PPP1R1C: variants seen among roughly 807,000 people sequenced by gnomAD.
The protein encoded by PPP1R1C is protein phosphatase 1 regulatory inhibitor subunit 1C.
PPP1R1C carries 15 observed loss-of-function variants against 17.4 expected under a neutral mutation model. The observed-to-expected ratio is 0.86, with a 90% CI of 0.58 to 1.33. The LOEUF is 1.33. PPP1R1C is among the 40% of genes most tolerant of loss of function. PPP1R1C has a pLI of 0.00. For missense variants in PPP1R1C, 143 were observed against 130.0 expected, an observed-to-expected ratio of 1.10 and a Z score of -0.48; for synonymous variants, 35 against 43.1, an observed-to-expected ratio of 0.81 and a Z score of 0.73.
Position 182,053,176 on chromosome 2 carries a change from G to A in PPP1R1C, c.143-8266G>A, listed in dbSNP as rs889314604. Among the ~76,000 whole-genome samples, 13 of 152,286 alleles carry A rather than the reference G, an allele frequency of 8.5e-5. No individual in the cohort carries two copies. The East Asian group carries it at 2.3e-3, about 27-fold the overall frequency. On this transcript the variant is annotated intron_variant, in intron 2 of 4. Coordinates refer to ENST00000682840, the MANE Select transcript of PPP1R1C (RefSeq NM_001080545.3). ...CTGCTCTTAGAGTAGGACAAAATTA[G>A]CTTTGGAAACAATTGTCTGCAGTTT...
chr2:181,988,322 C>G (rs1033167247), intron 2 of PPP1R1C, among the ~76,000 whole-genome samples: 7 of 152,154 alleles, frequency 4.6e-5, no homozygotes, highest in African/African-American at 1.7e-4. Flanking sequence ...GGGCAATGAC[C>G]CAGCGTTGGC....
chr2:181,961,128 CCCTT>C lies in PPP1R1C; in HGVS notation n.111+6507_111+6510del, dbSNP rs1186538653. 332 of 600,354 alleles carry C rather than the reference CCCTT, an allele frequency of 5.5e-4. No homozygotes were observed. Among genetic ancestry groups the C allele is most frequent in the South Asian group, 7.5e-4 (40 of 53,332 alleles). 37.2% of individuals were successfully genotyped at this position (600,354 alleles called of 1,614,324 possible). ...AGCAGTTTTCTTGTCTTCCTTCCCT[CCCTT>C]CCTTCCTTCCTTTCACCTCTGAACT... On this transcript the variant is annotated intron_variant and non_coding_transcript_variant, in intron 1 of 5. Coordinates refer to the PPP1R1C transcript ENST00000464264. The surrounding 1 kb of genome is among the most constrained non-coding windows in gnomAD (Gnocchi z 5.8).
intron 4 of PPP1R1C, among the ~76,000 whole-genome samples, chr2:182,086,894 TC>T (rs1309910503): frequency 6.6e-6 from 1 of 150,936 alleles, no homozygotes; most frequent in East Asian, 2.0e-4. Flanking sequence ...TTTTCTTCTG[TC>T]CCCTACCAGT....
At chr2:182,074,242 C>T (rs183342034) in intron 4 of PPP1R1C, among the ~76,000 whole-genome samples, 74 of 151,956 alleles carry the variant, frequency 4.9e-4, no homozygotes, top group African/African-American at 1.6e-3. Flanking sequence ...GGGGTTTCAC[C>T]ATATTAGCCA....
At chr2:182,123,737 T>G in intron 5 of PPP1R1C, among the ~76,000 whole-genome samples, 1 of 152,220 alleles carries the variant, frequency 6.6e-6, no homozygotes, top group African/African-American at 2.4e-5. Flanking sequence ...AAGTTCCTTA[T>G]AGATTCTGGA....
At chr2:181,981,174 C>T (rs552940598), upstream of PPP1R1C, among the ~76,000 whole-genome samples, 1,032 of 152,004 alleles carry the variant, frequency 6.8e-3, 10 homozygotes, top group African/African-American at 0.022. Flanking sequence ...GTGATCCGCC[C>T]GCCTCGGCCT....
chr2:181,957,433 C>T lies in PPP1R1C; in HGVS notation n.111+2799C>T, dbSNP rs911712540. Among the ~76,000 whole-genome samples, 1 of 152,166 alleles carries T rather than the reference C, an allele frequency of 6.6e-6. No individual in the cohort carries two copies. Among genetic ancestry groups the T allele is most frequent in the Non-Finnish European group, 1.5e-5 (1 of 68,028 alleles). On this transcript the variant is annotated intron_variant and non_coding_transcript_variant, in intron 1 of 5. Coordinates refer to the PPP1R1C transcript ENST00000464264. The surrounding 1 kb of genome is among the most constrained non-coding windows in gnomAD (Gnocchi z 4.2). ...TTCCACTCAATTCATGAAGCCATCT[C>T]AGTTTCTTCTGGGACAGGTAGTAAT... is the stretch of plus-strand genomic sequence containing the variant.
At chr2:182,059,075 T>G (rs1195877694) in intron 2 of PPP1R1C, among the ~76,000 whole-genome samples, 1 of 152,120 alleles carries the variant, frequency 6.6e-6, no homozygotes, top group African/African-American at 2.4e-5. Context: ...TTTAAATATC[T>G]TAAGGGCATT....
At chr2:181,985,406 C>A (rs1685272095), upstream of PPP1R1C, among the ~76,000 whole-genome samples, 1 of 152,166 alleles carries the variant, frequency 6.6e-6, no homozygotes, top group Non-Finnish European at 1.5e-5. This position sits in a 1 kb window ranked among gnomAD's most constrained non-coding sequence, Gnocchi z 4.1. Context: ...ATCTGCTCAG[C>A]CCTGCAGTAA....
intron 2 of PPP1R1C, among the ~76,000 whole-genome samples, chr2:181,998,583 A>G (rs1685679156): frequency 6.6e-6 from 1 of 152,230 alleles, no homozygotes; most frequent in African/African-American, 2.4e-5. Flanking sequence ...CTTGATTAAA[A>G]GGAAACGAAC....
chr2:181,968,548 C>T (rs1406952159), intron 1 of PPP1R1C, among the ~76,000 whole-genome samples: 1 of 152,088 alleles, frequency 6.6e-6, no homozygotes, highest in Admixed American at 6.5e-5. Flanking sequence ...CATGGAATGT[C>T]TTTTCCCATC....
intron 4 of PPP1R1C, among the ~76,000 whole-genome samples, chr2:182,075,125 A>G (rs1206420868): frequency 2.0e-5 from 3 of 152,248 alleles, no homozygotes; most frequent in African/African-American, 7.2e-5. Flanking sequence ...TTTCTGGTAT[A>G]ATTACCAATG....
At chr2:182,020,928 A>G (rs1227714551) in intron 2 of PPP1R1C, among the ~76,000 whole-genome samples, 1 of 152,166 alleles carries the variant, frequency 6.6e-6, no homozygotes, top group African/African-American at 2.4e-5. Context: ...CTTTATCCAA[A>G]TACACTTGTC....
intron 2 of PPP1R1C, among the ~76,000 whole-genome samples, chr2:182,000,745 A>G (rs1685737840): frequency 6.6e-6 from 1 of 152,198 alleles, no homozygotes; most frequent in Non-Finnish European, 1.5e-5. Flanking sequence ...GGTGGGCTTA[A>G]TCAGGTTAGT....
intron 1 of PPP1R1C, among the ~76,000 whole-genome samples, chr2:181,958,047 C>G (rs957402245): frequency 6.6e-6 from 1 of 152,090 alleles, no homozygotes. Flanking sequence ...AACTGGGTTT[C>G]CAATATAGCT....
chr2:181,979,816 C>T (rs905330488), intron 2 of PPP1R1C, among the ~76,000 whole-genome samples: 12 of 152,202 alleles, frequency 7.9e-5, no homozygotes, highest in African/African-American at 2.9e-4. Context: ...TTGTGGATAT[C>T]AGGGCCCAGC....
intron 4 of PPP1R1C, among the ~76,000 whole-genome samples, chr2:182,078,670 C>A (rs1027698807): frequency 1.3e-5 from 2 of 152,204 alleles, no homozygotes; most frequent in African/African-American, 4.8e-5. Flanking sequence ...GCTTGAATCC[C>A]AGCTCTGACA....
At chr2:182,104,371 T>G (rs184416735) in intron 4 of PPP1R1C, among the ~76,000 whole-genome samples, 71 of 152,330 alleles carry the variant, frequency 4.7e-4, no homozygotes, top group African/African-American at 1.7e-3. Context: ...TATACCTAAT[T>G]TGTTAAGTGG....
At chr2:181,975,343 A>T (rs1685077974) in intron 2 of PPP1R1C, 2 of 151,942 alleles carry the variant, frequency 1.3e-5, no homozygotes, top group African/African-American at 4.8e-5. Context: ...AATATAGTTC[A>T]TGGTTTGCCT....
Sources: allele counts gnomAD v4.1 joint callset (sites outside exome capture counted in the v4.1 genomes callset), GRCh38; gene constraint gnomAD v4.1.1; non-coding constraint Gnocchi (gnomAD v3.1); transcripts MANE v1.5; gene names NCBI Gene and HGNC (gene_info 2026-07-23, HGNC 2026-07-21).